EHD2: variants seen among roughly 807,000 people sequenced by gnomAD.
EHD2 encodes EH domain-containing protein 2.
EHD2 carries 27 observed loss-of-function variants against 41.0 expected under a neutral mutation model. The observed-to-expected ratio is 0.66, with a 90% confidence interval of 0.49 to 0.91. The LOEUF (loss-of-function observed/expected upper bound fraction) is 0.91, where lower values mean the gene tolerates loss of function less well. Among genes scored for constraint, EHD2 ranks in the 40% least tolerant of loss-of-function variants. The pLI is 0.00. For missense variants in EHD2, 673 were observed against 773.9 expected, an observed-to-expected ratio of 0.87 and a Z score of 1.55; for synonymous variants, 342 against 341.0, an observed-to-expected ratio of 1.00 and a Z score of -0.03.
rs779048361 is a variant in EHD2, at chr19:47,741,186, T to C, written c.1386T>C (p.Pro462=). 23 of 1,613,944 alleles carry C rather than the reference T, an allele frequency of 1.4e-5. No individual in the cohort carries two copies. The highest frequency in any genetic ancestry group is 1.9e-5 in the Non-Finnish European group (23 of 1,180,024). ...ACGAGATCTTCTACAACCTGGCGCCTGCCGACGGCAAGCTGAGCGGCTCCA... is the reference window on the plus strand; with the variant it reads ...ACGAGATCTTCTACAACCTGGCGCCCGCCGACGGCAAGCTGAGCGGCTCCA... The part of the protein sequence containing the change: ...KYDEIFYNLA[P]ADGKLSGSKA... Residue 462 remains proline, a synonymous_variant, in exon 6 of 6, where the codon CCT becomes CCC. Coordinates refer to ENST00000263277, the MANE Select transcript of EHD2 (RefSeq NM_014601.4). The surrounding 1 kb of genome is among the most constrained non-coding windows in gnomAD (Gnocchi z 4.5).
chr19:47,736,356 A>T lies in EHD2; in HGVS notation c.916-13A>T. 6.2e-7 allele frequency: 1 copy of T among 1,606,076 alleles called. No homozygotes were observed. The highest frequency in any genetic ancestry group is 8.5e-7 in the Non-Finnish European group (1 of 1,176,934). ...GACCCTGATGCAGGCTGAGGTGAGA[A>T]CCCTTCCCACAGGTTCACGCTTACA... On this transcript the variant is annotated splice_polypyrimidine_tract_variant and intron_variant, in intron 4 of 5. Transcript: ENST00000263277.
chr19:47,742,158 T>C lies in EHD2; in HGVS notation c.*726T>C, dbSNP rs1966997951. On this transcript the variant is annotated 3_prime_UTR_variant, in exon 6 of 6. Transcript: ENST00000263277. The stretch of plus-strand genomic sequence containing the variant: ...TTCCTTCCTTCTTTTCTTTCCTTCC[T>C]TCCTTCTTTTTTGTTTTTGCCCCCA... 3.0e-6 allele frequency: 1 copy of C among 335,940 alleles called. No individual in the cohort carries two copies. The highest frequency in any genetic ancestry group is 5.8e-6 in the Non-Finnish European group (1 of 173,266). 20.8% of individuals were successfully genotyped at this position (335,940 alleles called of 1,614,324 possible).
chr19:47,718,230 G>A (rs1348550105), intron 2 of EHD2, among the ~76,000 whole-genome samples: 2 of 142,788 alleles, frequency 1.4e-5, no homozygotes, highest in Admixed American at 7.4e-5. Flanking sequence ...CTGAGATAGT[G>A]CCATTGCACT....
At position 47,741,287 on chromosome 19, in the gene EHD2, A is replaced by T; in HGVS notation, c.1487A>T (p.Asp496Val). The T allele has an allele frequency of 6.2e-7, 1 of 1,613,984 alleles. No homozygotes were observed. Among genetic ancestry groups the T allele is most frequent in the Non-Finnish European group, 8.5e-7 (1 of 1,179,932 alleles). ...CGCATCTGGAAGCTCAGCGATGTGG[A>T]CCGCGACGGCATGCTGGATGATGAG... ...LGRIWKLSDV[D>V]RDGMLDDEEF... The change falls in exon 6 of 6, where the codon GAC (aspartate) becomes GTC (valine). Residue 496 changes from aspartate to valine, a missense_variant. Asp to Val is a radical substitution (Grantham distance 152). Coordinates refer to ENST00000263277, the MANE Select transcript of EHD2 (RefSeq NM_014601.4). The surrounding 1 kb of genome is among the most constrained non-coding windows in gnomAD (Gnocchi z 4.5).
At chr19:47,718,631 C>T (rs1343863106) in intron 3 of EHD2, 25 bp downstream of exon 3, 4 of 1,547,524 alleles carry the variant, frequency 2.6e-6, no homozygotes, top group Non-Finnish European at 3.5e-6. Flanking sequence ...ACCCTGGGGT[C>T]TGAGGGAGGA....
At chr19:47,735,008 C>T (rs561282421) in intron 4 of EHD2, among the ~76,000 whole-genome samples, 10 of 152,140 alleles carry the variant, frequency 6.6e-5, no homozygotes, top group Admixed American at 1.3e-4. Flanking sequence ...GACAAGGTTG[C>T]GCCACTGTCC....
At chr19:47,714,882 A>G (rs1481547781) in intron 1 of EHD2, among the ~76,000 whole-genome samples, 1 of 151,796 alleles carries the variant, frequency 6.6e-6, no homozygotes, top group Admixed American at 6.6e-5. Context: ...AAAAATACAA[A>G]AAAAAATTAA....
chr19:47,724,117 C>A (rs368385076), intron 3 of EHD2, among the ~76,000 whole-genome samples: 1 of 146,286 alleles, frequency 6.8e-6, no homozygotes, highest in Non-Finnish European at 1.5e-5. Flanking sequence ...CTCACTCTGT[C>A]GCCCAGACTG....
intron 1 of EHD2, among the ~76,000 whole-genome samples, chr19:47,714,541 A>C (rs1344525475): frequency 6.6e-6 from 1 of 152,182 alleles, no homozygotes; most frequent in African/African-American, 2.4e-5. Context: ...AAGATAGAGA[A>C]CACAGTCTGG....
In EHD2 at chr19:47,718,549, A is replaced by C; in HGVS notation, c.445A>C (p.Ile149Leu). ...AQLPNQVLES[I>L]SIIDTPGILS... is the part of the protein sequence containing the mutation. ...GCTCCCTAATCAGGTCCTGGAGAGC[A>C]TCAGCATCATCGACACCCCGGGTAT... is the stretch of plus-strand genomic sequence containing the variant. The change falls in exon 3 of 6, where the codon ATC becomes CTC. Residue 149 changes from isoleucine (I) to leucine (L), a missense_variant. Coordinates refer to ENST00000263277, the MANE Select transcript of EHD2 (RefSeq NM_014601.4). 1 of 1,588,162 alleles carries C rather than the reference A, an allele frequency of 6.3e-7. No homozygotes were observed. The highest frequency in any genetic ancestry group is 8.6e-7 in the Non-Finnish European group (1 of 1,166,958).
In EHD2 at chr19:47,716,609, C is replaced by T; in HGVS notation, c.-4C>T. On this transcript the variant is annotated 5_prime_UTR_variant, in exon 2 of 6. Coordinates refer to ENST00000263277, the MANE Select transcript of EHD2 (RefSeq NM_014601.4). ...GTGAACCCCGTGAGCGGTGTGCAGC[C>T]ACCATGTTCAGCTGGCTGAAGCGGG... is the stretch of plus-strand genomic sequence containing the variant. The T allele has an allele frequency of 1.3e-6, 2 of 1,515,834 alleles. No individual in the cohort carries two copies. The highest frequency in any genetic ancestry group is 2.5e-5 in the South Asian group (2 of 78,594). The allele number at this position is 1,515,834 out of a possible 1,614,324, so 93.9% of individuals were successfully genotyped here. A position where few individuals can be genotyped will look rare whatever the true frequency, so the allele number is the denominator to read the frequency against.
intron 2 of EHD2, among the ~76,000 whole-genome samples, chr19:47,718,251 C>A (rs894230313): frequency 7.6e-6 from 1 of 131,922 alleles, no homozygotes; most frequent in African/African-American, 3.0e-5. Context: ...CCAGCCTGGG[C>A]GACAACAGCA....
intron 4 of EHD2, chr19:47,732,886 C>T (rs1966885122): frequency 6.6e-6 from 1 of 151,966 alleles, no homozygotes. Context: ...GAGTTCAAGA[C>T]CAGCCTGACC....
intron 1 of EHD2, 33 bp from the exon 2 acceptor site, chr19:47,716,525 C>T (rs1187200394): frequency 1.6e-5 from 23 of 1,403,132 alleles, no homozygotes; most frequent in East Asian, 2.5e-5. Flanking sequence ...TTGGCTGGGC[C>T]GCCTATGCTC....
chr19:47,740,435 TCAAAAAAAAA>T (rs968122991), intron 5 of EHD2, among the ~76,000 whole-genome samples: 9 of 143,430 alleles, frequency 6.3e-5, no homozygotes, highest in African/African-American at 2.3e-4. Context: ...CGAGACCCTG[TCAAAAAAAAA>T]CAAAACAAAA....
chr19:47,719,352 G>A lies in EHD2; in HGVS notation c.502+746G>A, dbSNP rs1373096339. On this transcript the variant is annotated intron_variant, in intron 3 of 5. Transcript: ENST00000263277. This position sits in a 1 kb window ranked among gnomAD's most constrained non-coding sequence, Gnocchi z 4.1. Reference sequence around the variant, plus strand: ...CTGCGTCTGGGCCACAGATGGGGCCGAGAAGGGGATGGGAAGGGAATCTGG... The same window carrying A: ...CTGCGTCTGGGCCACAGATGGGGCCAAGAAGGGGATGGGAAGGGAATCTGG... Among the ~76,000 whole-genome samples the A allele has an allele frequency of 6.6e-6, 1 of 152,134 alleles. No individual in the cohort carries two copies. The highest frequency in any genetic ancestry group is 2.1e-4 in the South Asian group (1 of 4,832).
At chr19:47,740,718 G>T (rs549889528) in intron 5 of EHD2, among the ~76,000 whole-genome samples, 163 bp from the exon 6 acceptor site, 1 of 152,280 alleles carries the variant, frequency 6.6e-6, no homozygotes, top group Admixed American at 6.5e-5. Flanking sequence ...TTGCACTCCA[G>T]CCTGGGCAAC....
chr19:47,736,592 A>C, intron 5 of EHD2, 59 bp downstream of exon 5: 2 of 1,511,584 alleles, frequency 1.3e-6, no homozygotes, highest in South Asian at 1.3e-5. Context: ...TGGTTTCTGG[A>C]AGCTCTGAGA....
intron 4 of EHD2, among the ~76,000 whole-genome samples, chr19:47,726,831 A>G (rs1053992788): frequency 6.6e-6 from 1 of 152,030 alleles, no homozygotes; most frequent in African/African-American, 2.4e-5. Flanking sequence ...GGCACGTGTC[A>G]CCACGCCCAG....
Sources: gnomAD v4.1 joint callset for allele counts (sites outside exome capture counted in the v4.1 genomes callset) on GRCh38, gnomAD v4.1.1 for gene constraint, Gnocchi (gnomAD v3.1) non-coding constraint, MANE v1.5 for transcripts, NCBI Gene and HGNC (gene_info 2026-07-23, HGNC 2026-07-21) for gene names.